CLN8: variants seen among roughly 807,000 people sequenced by gnomAD.
CLN8 encodes the protein protein CLN8.
A neutral mutation model predicts 15.7 loss-of-function variants in CLN8; 14 were observed. The observed-to-expected ratio is 0.89, with a 90% CI of 0.59 to 1.39. CLN8 has a LOEUF of 1.39. Ranked by LOEUF, CLN8 falls within the 40% of genes most tolerant of loss-of-function variation. The pLI is 0.00. For missense variants in CLN8, 415 were observed against 364.0 expected (o/e 1.14, Z -1.14); for synonymous variants, 188 against 151.0 (o/e 1.25, Z -1.80).
In CLN8 at chr8:1,782,091, T is replaced by G. The variant is rs1256247361; in HGVS notation, c.*1524T>G. On this transcript the variant is annotated 3_prime_UTR_variant, in exon 3 of 3. Transcript: ENST00000331222. ...CTGCTCGTGAGAATCATGTGTGACTTACGTTCCTTATGTTTTATGGAACTC... is the reference window on the plus strand; with the variant it reads ...CTGCTCGTGAGAATCATGTGTGACTGACGTTCCTTATGTTTTATGGAACTC... The G allele has an allele frequency of 6.6e-6, 1 of 152,196 alleles. No homozygotes were observed. Among genetic ancestry groups the G allele is most frequent in the Non-Finnish European group, 1.5e-5 (1 of 68,024 alleles). The allele number at this position is 152,196 out of a possible 1,614,324, so 9.4% of individuals were successfully genotyped here.
intron 1 of CLN8, among the ~76,000 whole-genome samples, chr8:1,769,499 G>A (rs1004283749): frequency 6.6e-6 from 1 of 152,100 alleles, no homozygotes. Context: ...CTGTTCGCTG[G>A]GTGTGAGTGA....
intron 2 of CLN8, among the ~76,000 whole-genome samples, chr8:1,772,558 A>T (rs1210238838): frequency 2.0e-5 from 3 of 152,138 alleles, no homozygotes. Context: ...ACCCGGATTC[A>T]AGCAATTCTC....
intron 1 of CLN8, among the ~76,000 whole-genome samples, chr8:1,769,208 G>T (rs534659320): frequency 1.4e-4 from 22 of 152,330 alleles, no homozygotes; most frequent in African/African-American, 5.3e-4. Context: ...CAAGAGGTTA[G>T]GAGTGATCAG....
rs769069643 is a variant in CLN8 at position 1,771,214 on chromosome 8, C to T, written c.160C>T (p.Arg54Cys). The stretch of plus-strand genomic sequence containing the variant: ...GTCCTCTTCCCTGAATGCCACTTAC[C>T]GTTCTTTGGTGGCCAGAGAGAAGGT... ...QLSSSLNATY[R>C]SLVAREKVFW... The change falls in exon 2 of 3, where the codon CGT (arginine) becomes TGT (cysteine). Residue 54 changes from arginine to cysteine, a missense_variant. Arg to Cys is a radical substitution (Grantham distance 180). Coordinates refer to ENST00000331222, the MANE Select transcript of CLN8 (RefSeq NM_018941.4). 18 of 1,613,930 alleles carry T rather than the reference C, an allele frequency of 1.1e-5. No homozygotes were observed. The highest frequency in any genetic ancestry group is 1.1e-4 in the East Asian group (5 of 44,864).
rs372313992 is a variant in CLN8, at chr8:1,771,333, C to T, written c.279C>T (p.Ala93=). The T allele has an allele frequency of 1.6e-5, 26 of 1,613,936 alleles. No individual in the cohort carries two copies. The highest frequency in any genetic ancestry group is 1.0e-4 in the Admixed American group (6 of 60,000). ...WALLGDPVLH[A]DKARGQQNWC... The stretch of plus-strand genomic sequence containing the variant: ...TGCTGGGGGACCCTGTGCTGCATGC[C>T]GACAAGGCGCGTGGCCAGCAGAACT... Residue 93 remains alanine, a synonymous_variant, in exon 2 of 3, where the codon GCC becomes GCT. Transcript: ENST00000331222.
At chr8:1,753,276 T>A (rs1202750955), upstream of CLN8, among the ~76,000 whole-genome samples, 3 of 150,190 alleles carry the variant, frequency 2.0e-5, no homozygotes, top group African/African-American at 7.4e-5. Context: ...GATTTTGAAA[T>A]TTTGTCATTC....
upstream of CLN8, chr8:1,763,242 T>C (rs2130956938): frequency 6.6e-6 from 1 of 151,492 alleles, no homozygotes; most frequent in South Asian, 2.1e-4. Flanking sequence ...AGCTTTCAGG[T>C]CCCCTCGGCC....
At chr8:1,768,700 G>A (rs1801178598) in intron 1 of CLN8, among the ~76,000 whole-genome samples, 2 of 152,120 alleles carry the variant, frequency 1.3e-5, no homozygotes, top group Admixed American at 1.3e-4. Context: ...CTTTAATGCT[G>A]GTAAGCGGTC....
chr8:1,785,078 C>T lies in CLN8; in HGVS notation c.*4511C>T, dbSNP rs1801796220. Reference sequence around the variant, plus strand: ...CATTATGTGCGTGTCAAGTGTTTGACCAGGTCAGAACTCTTGTTCTATGCG... The same window carrying T: ...CATTATGTGCGTGTCAAGTGTTTGATCAGGTCAGAACTCTTGTTCTATGCG... On this transcript the variant is annotated 3_prime_UTR_variant, in exon 3 of 3. Transcript: ENST00000331222. 6.5e-6 allele frequency: 1 copy of T among 152,978 alleles called. No homozygotes were observed. The highest frequency in any genetic ancestry group is 1.5e-5 in the Non-Finnish European group (1 of 68,456). 9.5% of individuals were successfully genotyped at this position (152,978 alleles called of 1,614,324 possible). A position where few individuals can be genotyped will look rare whatever the true frequency, so the allele number is the denominator to read the frequency against.
chr8:1,783,528 TTTTGTTTCTTAAG>T lies in CLN8; in HGVS notation c.*2964_*2976del, dbSNP rs1368167320. ...AATCCTTCTCTATACCTATGTTTTG[TTTTGTTTCTTAAG>T]TTGGGAAACAGAATGGGCCAGGGAG... is the stretch of plus-strand genomic sequence containing the variant. On this transcript the variant is annotated 3_prime_UTR_variant, in exon 3 of 3. Coordinates refer to ENST00000331222, the MANE Select transcript of CLN8 (RefSeq NM_018941.4). 4 of 152,208 alleles carry T rather than the reference TTTTGTTTCTTAAG, an allele frequency of 2.6e-5. No homozygotes were observed. Among genetic ancestry groups the T allele is most frequent in the African/African-American group, 7.2e-5 (3 of 41,454 alleles). 9.4% of individuals were successfully genotyped at this position (152,208 alleles called of 1,614,324 possible).
rs968159198 is a variant in CLN8 at position 1,780,805 on chromosome 8, C to G, written c.*238C>G. ...TCAGTTTAGCCGCGCCGGACCGTGT[C>G]AAGCATCTAGGAGAGGAGTCCATGG... is the stretch of plus-strand genomic sequence containing the variant. On this transcript the variant is annotated 3_prime_UTR_variant, in exon 3 of 3. Transcript: ENST00000331222. 10 of 580,276 alleles carry G rather than the reference C, an allele frequency of 1.7e-5. No individual in the cohort carries two copies. The highest frequency in any genetic ancestry group is 8.5e-5 in the South Asian group (4 of 46,920). 35.9% of individuals were successfully genotyped at this position (580,276 alleles called of 1,614,324 possible).
At chr8:1,775,770 C>A (rs1022399492) in intron 2 of CLN8, among the ~76,000 whole-genome samples, 2 of 152,160 alleles carry the variant, frequency 1.3e-5, no homozygotes, top group African/African-American at 4.8e-5. Context: ...TTCTGATGTT[C>A]AGAACATCGA....
chr8:1,768,815 T>C (rs922754720), intron 1 of CLN8, among the ~76,000 whole-genome samples: 1 of 152,204 alleles, frequency 6.6e-6, no homozygotes, highest in African/African-American at 2.4e-5. Context: ...CCGAGTGCTC[T>C]TGCCAGCCCC....
chr8:1,776,947 G>T (rs960010563), intron 2 of CLN8, among the ~76,000 whole-genome samples: 1 of 152,198 alleles, frequency 6.6e-6, no homozygotes, highest in Non-Finnish European at 1.5e-5. Flanking sequence ...GGTGAGAGAC[G>T]TTACCCGGAC....
intron 1 of CLN8, among the ~76,000 whole-genome samples, chr8:1,769,396 C>G (rs926905564): frequency 6.6e-6 from 1 of 152,172 alleles, no homozygotes; most frequent in African/African-American, 2.4e-5. Flanking sequence ...TGGCTCTAGT[C>G]CTGCTGTCTC....
chr8:1,780,217 A>G (rs1376904441), intron 2 of CLN8, 33 bp from the exon 3 acceptor site: 1 of 1,614,254 alleles, frequency 6.2e-7, no homozygotes, highest in South Asian at 1.1e-5. Context: ...GCAGTTTCGC[A>G]TTGACTTGTG....
chr8:1,758,722 G>A (rs1305335790), intron 1 of CLN8: 4 of 152,162 alleles, frequency 2.6e-5, no homozygotes, highest in African/African-American at 7.2e-5. Flanking sequence ...TGGATTCAAC[G>A]ATTTTCTGAT....
intron 1 of CLN8, among the ~76,000 whole-genome samples, chr8:1,769,389 C>A (rs1381777248): frequency 6.6e-6 from 1 of 152,290 alleles, no homozygotes; most frequent in South Asian, 2.1e-4. Flanking sequence ...ATGCTTCTGG[C>A]TCTAGTCCTG....
chr8:1,758,382 G>C (rs1277809618), intron 1 of CLN8: 4 of 152,140 alleles, frequency 2.6e-5, no homozygotes, highest in Admixed American at 2.6e-4. Flanking sequence ...CAAATATGAG[G>C]ACTTTGATTG....
Sources: allele counts gnomAD v4.1 joint callset (sites outside exome capture counted in the v4.1 genomes callset), GRCh38; gene constraint gnomAD v4.1.1; transcripts MANE v1.5; gene names NCBI Gene and HGNC (gene_info 2026-07-23, HGNC 2026-07-21).